Variants in SNCAIP observed in about 807,000 individuals in gnomAD.
SNCAIP encodes synphilin-1.
In SNCAIP, 43 loss-of-function variants were observed where a neutral mutation model predicts 86.7. The ratio of observed to expected loss-of-function variants is 0.50; its 90% CI spans 0.39 to 0.64. The LOEUF is 0.64. SNCAIP is among the 30% of genes least tolerant of loss of function. SNCAIP has a pLI of 0.00. For synonymous variants in SNCAIP, 417 were observed against 427.2 expected (o/e 0.98, Z 0.29); for missense variants, 981 against 1,103.1 (o/e 0.89, Z 1.57).
In SNCAIP at chr5:122,423,542, C is replaced by G. The variant is rs746836864; in HGVS notation, c.805C>G (p.Arg269Gly). 6 of 1,613,964 alleles carry G rather than the reference C, an allele frequency of 3.7e-6. No homozygotes were observed. The Admixed American group carries it at 1.0e-4, about 27-fold the overall frequency. Reference sequence around the variant, plus strand: ...CAAGACATTTAGTGATCCTCATGGTCGAAAAGTTGAGAAGACAACACCAGA... The same window carrying G: ...CAAGACATTTAGTGATCCTCATGGTGGAAAAGTTGAGAAGACAACACCAGA... ...LNKTFSDPHGRKVEKTTPDCQ... is the reference protein window; with the variant it reads ...LNKTFSDPHGGKVEKTTPDCQ... Residue 269 changes from arginine (R) to glycine (G), a missense_variant, in exon 4 of 11, where the codon CGA (arginine) becomes GGA (glycine). Physicochemically the swap from Arg to Gly is moderately radical, Grantham distance 125. Transcript: ENST00000261368.
intron 10 of SNCAIP, among the ~76,000 whole-genome samples, chr5:122,452,084 T>C (rs1424614298): frequency 6.6e-6 from 1 of 152,212 alleles, no homozygotes; most frequent in Non-Finnish European, 1.5e-5. Flanking sequence ...AACTTTGGGA[T>C]GACCTTTGAA....
At chr5:122,326,817 C>T (rs1001387007) in intron 1 of SNCAIP, among the ~76,000 whole-genome samples, 3 of 151,776 alleles carry the variant, frequency 2.0e-5, no homozygotes, top group Non-Finnish European at 4.4e-5. Flanking sequence ...ACATTTGGGT[C>T]TCCCTCTCAC....
intron 10 of SNCAIP, among the ~76,000 whole-genome samples, chr5:122,455,851 T>C (rs1784629186): frequency 6.6e-6 from 1 of 152,248 alleles, no homozygotes; most frequent in Non-Finnish European, 1.5e-5. Context: ...TCTATTCCTT[T>C]GAGCAGCATC....
chr5:122,315,773 A>T (rs1751586104), intron 1 of SNCAIP, among the ~76,000 whole-genome samples: 1 of 152,044 alleles, frequency 6.6e-6, no homozygotes, highest in Non-Finnish European at 1.5e-5. Context: ...TGGTGTTGGG[A>T]TGGTTTGGAG....
chr5:122,430,890 C>G (rs537486893), intron 5 of SNCAIP, among the ~76,000 whole-genome samples: 1 of 151,734 alleles, frequency 6.6e-6, no homozygotes, highest in Admixed American at 6.6e-5. Context: ...CTTTCTGTAT[C>G]CATAGTTATA....
chr5:122,357,746 G>T (rs1401507696), intron 1 of SNCAIP, among the ~76,000 whole-genome samples: 1 of 151,790 alleles, frequency 6.6e-6, no homozygotes, highest in Non-Finnish European at 1.5e-5. Flanking sequence ...AGCCACATGT[G>T]GCTAATTAAA....
intron 10 of SNCAIP, 151 bp downstream of exon 10, chr5:122,451,752 T>C: frequency 1.6e-6 from 1 of 631,398 alleles, no homozygotes; most frequent in Non-Finnish European, 2.8e-6. Context: ...TTCATGTGTC[T>C]AATGAGACAT....
chr5:122,328,161 G>T (rs1754506117), intron 1 of SNCAIP, among the ~76,000 whole-genome samples: 1 of 152,180 alleles, frequency 6.6e-6, no homozygotes, highest in Non-Finnish European at 1.5e-5. Flanking sequence ...TGCAGTAAGA[G>T]AAAGCTTATA....
At chr5:122,366,303 A>G (rs1763182969) in intron 1 of SNCAIP, among the ~76,000 whole-genome samples, 1 of 152,214 alleles carries the variant, frequency 6.6e-6, no homozygotes, top group Admixed American at 6.5e-5. Flanking sequence ...GAACAGTTAC[A>G]GGAGCTGATG....
At chr5:122,427,640 T>TA (rs961856708) in intron 5 of SNCAIP, among the ~76,000 whole-genome samples, 6 of 152,326 alleles carry the variant, frequency 3.9e-5, no homozygotes, top group South Asian at 4.1e-4. Context: ...GAGAGAGTCC[T>TA]AAAGAGTCAC....
chr5:122,344,867 C>T (rs1758288405), intron 1 of SNCAIP, among the ~76,000 whole-genome samples: 1 of 152,114 alleles, frequency 6.6e-6, no homozygotes, highest in Non-Finnish European at 1.5e-5. Flanking sequence ...CCATTATCCT[C>T]AATAATTTGA....
chr5:122,353,429 C>T (rs1479560074), intron 1 of SNCAIP, among the ~76,000 whole-genome samples: 1 of 121,058 alleles, frequency 8.3e-6, no homozygotes, highest in African/African-American at 3.3e-5. Flanking sequence ...AAAGTTATGA[C>T]ATAATTAAGC....
rs137925416 is a variant in SNCAIP at position 122,438,617 on chromosome 5, A to G, written c.1297-2012A>G. 3.1e-3 allele frequency among the ~76,000 whole-genome samples: 477 copies of G among 152,310 alleles called. 4 individuals carry two copies. Among genetic ancestry groups the G allele is most frequent in the African/African-American group, 0.011 (461 of 41,578 alleles). Reference sequence around the variant, plus strand: ...TGGTGCTGTTTTTGTGACCAGAAATATGTCATAGGAACTAAAATGGTAAAA... The same window carrying G: ...TGGTGCTGTTTTTGTGACCAGAAATGTGTCATAGGAACTAAAATGGTAAAA... On this transcript the variant is annotated intron_variant, in intron 6 of 10. Transcript: ENST00000261368.
intron 2 of SNCAIP, among the ~76,000 whole-genome samples, chr5:122,400,642 C>G (rs1450815751): frequency 6.6e-6 from 1 of 152,210 alleles, no homozygotes; most frequent in Non-Finnish European, 1.5e-5. Flanking sequence ...CATGGAGAAG[C>G]AGAACACAGC....
At chr5:122,400,952 A>T (rs1771677609) in intron 2 of SNCAIP, 2 of 1,518,208 alleles carry the variant, frequency 1.3e-6, no homozygotes, top group Non-Finnish European at 1.8e-6. Flanking sequence ...TTCTTCATTA[A>T]CTGCAAGCCC....
At chr5:122,348,856 G>A (rs1293302426) in intron 1 of SNCAIP, among the ~76,000 whole-genome samples, 1 of 152,084 alleles carries the variant, frequency 6.6e-6, no homozygotes, top group African/African-American at 2.4e-5. Context: ...AGTTTAAGCT[G>A]CACTGTTGTA....
At chr5:122,407,048 C>T (rs1308466986) in intron 3 of SNCAIP, among the ~76,000 whole-genome samples, 1 of 152,030 alleles carries the variant, frequency 6.6e-6, no homozygotes, top group African/African-American at 2.4e-5. Context: ...TCCTCTGGCC[C>T]AGGTACTGAG....
rs78302583 is a variant in SNCAIP at position 122,406,405 on chromosome 5, C to T, written c.130+2540C>T. The stretch of plus-strand genomic sequence containing the variant: ...AGTCCACATCTTCTTTGGGATGGGG[C>T]ACTCTCAGGGGAAACTTCCTCAACC... On this transcript the variant is annotated intron_variant, in intron 3 of 10. Coordinates refer to ENST00000261368, the MANE Select transcript of SNCAIP (RefSeq NM_005460.4). 9.7e-4 allele frequency among the ~76,000 whole-genome samples: 147 copies of T among 152,268 alleles called. 1 individual carries two copies. The highest frequency in any genetic ancestry group is 1.9e-3 in the Non-Finnish European group (131 of 68,014).
chr5:122,449,732 G>T, intron 8 of SNCAIP, 113 bp from the exon 9 acceptor site: 1 of 812,640 alleles, frequency 1.2e-6, no homozygotes. Context: ...CACATTTTAA[G>T]GCTTTTGTAT....
Sources: allele counts gnomAD v4.1 joint callset (sites outside exome capture counted in the v4.1 genomes callset), GRCh38; gene constraint gnomAD v4.1.1; transcripts MANE v1.5; gene names NCBI Gene and HGNC (gene_info 2026-07-23, HGNC 2026-07-21).